Variants in CTNNA3 observed in about 807,000 individuals in gnomAD.
The protein encoded by CTNNA3 is catenin alpha 3.
In CTNNA3, 76 loss-of-function variants were observed where a neutral mutation model predicts 95.7. The observed-to-expected ratio is 0.79, with a 90% CI of 0.66 to 0.96. The LOEUF (loss-of-function observed/expected upper bound fraction) is 0.96, where lower values mean the gene tolerates loss of function less well. CTNNA3 is among the 40% of genes least tolerant of loss of function. The pLI, the probability that CTNNA3 is intolerant of heterozygous loss-of-function variation, is 0.00. For missense variants in CTNNA3, 1,191 were observed against 1,089.8 expected, an observed-to-expected ratio of 1.09 and a Z score of -1.31; for synonymous variants, 431 against 374.4, an observed-to-expected ratio of 1.15 and a Z score of -1.74.
intron 7 of CTNNA3, among the ~76,000 whole-genome samples, chr10:66,788,376 G>T (rs1840829388): frequency 6.6e-6 from 1 of 152,148 alleles, no homozygotes; most frequent in Admixed American, 6.5e-5. Context: ...GCAGCACAAA[G>T]CTCCCGATGA....
chr10:66,834,296 T>C (rs1461803448), intron 7 of CTNNA3, among the ~76,000 whole-genome samples: 4 of 152,210 alleles, frequency 2.6e-5, no homozygotes, highest in Admixed American at 1.3e-4. Context: ...CACACATACA[T>C]GTGCAAGATA....
At chr10:67,016,161 C>A (rs75721842) in intron 7 of CTNNA3, among the ~76,000 whole-genome samples, 3,473 of 152,182 alleles carry the variant, frequency 0.023, 158 homozygotes, top group African/African-American at 0.08. Flanking sequence ...TAGTTTTATG[C>A]ATGAGTTTAT....
chr10:66,028,982 G>T (rs556798555), intron 15 of CTNNA3, among the ~76,000 whole-genome samples: 17 of 151,968 alleles, frequency 1.1e-4, no homozygotes, highest in African/African-American at 4.1e-4. Context: ...AAGATAAAAT[G>T]AAGAATAGGA....
intron 4 of CTNNA3, among the ~76,000 whole-genome samples, chr10:67,536,843 A>G (rs962471378): frequency 9.9e-5 from 15 of 152,270 alleles, no homozygotes; most frequent in Admixed American, 2.0e-4. Flanking sequence ...AGCATGCTCT[A>G]CAGAATACTT....
chr10:66,364,630 CTT>C (rs1256481961), intron 12 of CTNNA3, among the ~76,000 whole-genome samples: 1 of 151,974 alleles, frequency 6.6e-6, no homozygotes, highest in African/African-American at 2.4e-5. Context: ...ACAAATGAGT[CTT>C]AAATTTATTT....
chr10:66,594,873 A>G (rs1354327960), intron 10 of CTNNA3, among the ~76,000 whole-genome samples: 4 of 152,166 alleles, frequency 2.6e-5, no homozygotes, highest in Non-Finnish European at 5.9e-5. Context: ...TTAAAAATGT[A>G]TACATAATAA....
rs184605103 is a variant in CTNNA3, at chr10:66,906,419, T to C, written c.1048-130895A>G. Among the ~76,000 whole-genome samples the C allele has an allele frequency of 6.6e-5, 10 of 152,220 alleles. No individual in the cohort carries two copies. The East Asian group carries it at 1.9e-3, about 29-fold the overall frequency. ...TCAACAACATCCAAAAGTGGGAAATTCTACAGGACAAATAACCCAGTTTCT... is the reference window on the plus strand; with the variant it reads ...TCAACAACATCCAAAAGTGGGAAATCCTACAGGACAAATAACCCAGTTTCT... On this transcript the variant is annotated intron_variant, in intron 7 of 17. Transcript: ENST00000433211.
At chr10:66,399,514 C>T (rs56287506) in intron 11 of CTNNA3, among the ~76,000 whole-genome samples, 11,689 of 151,732 alleles carry the variant, frequency 0.077, 575 homozygotes, top group East Asian at 0.22. Flanking sequence ...GTGGTATATG[C>T]GTGTGAAGTG....
rs1439458503 is a variant in CTNNA3, at chr10:66,395,834, T to C, written c.1532-16482A>G. On this transcript the variant is annotated intron_variant, in intron 11 of 17. Transcript: ENST00000433211. The stretch of plus-strand genomic sequence containing the variant: ...TTGTTTCAGATTCAGGGGTTTCATG[T>C]GCAGGTTTGTGTAATGGTGAGGTTT... Among the ~76,000 whole-genome samples the C allele has an allele frequency of 5.3e-5, 8 of 152,020 alleles. No individual in the cohort carries two copies. The East Asian group carries it at 1.5e-3, about 29-fold the overall frequency.
At chr10:67,491,884 G>T (rs1487191297) in intron 5 of CTNNA3, among the ~76,000 whole-genome samples, 1 of 151,970 alleles carries the variant, frequency 6.6e-6, no homozygotes, top group African/African-American at 2.4e-5. Context: ...ATGGAGGAAA[G>T]AAAAGATAAT....
At chr10:67,633,731 A>G (rs560042568) in intron 2 of CTNNA3, among the ~76,000 whole-genome samples, 1 of 152,316 alleles carries the variant, frequency 6.6e-6, no homozygotes, top group Admixed American at 6.5e-5. Flanking sequence ...ATTAAAAGTG[A>G]GCTTGAAGAC....
intron 13 of CTNNA3, among the ~76,000 whole-genome samples, chr10:66,133,915 C>T (rs2083238682): frequency 6.6e-6 from 1 of 151,970 alleles, no homozygotes; most frequent in South Asian, 2.1e-4. Flanking sequence ...AGAAAAGTAA[C>T]ATACAGAAAT....
At chr10:67,727,494 CATAAT>C (rs1465239888) in intron 1 of CTNNA3, among the ~76,000 whole-genome samples, 8 of 128,596 alleles carry the variant, frequency 6.2e-5, no homozygotes, top group East Asian at 4.3e-4. Context: ...TTATATTAAA[CATAAT>C]ATATCATATA....
chr10:67,699,446 CCTATGG>C (rs1436519717), upstream of CTNNA3, among the ~76,000 whole-genome samples: 2 of 152,218 alleles, frequency 1.3e-5, no homozygotes, highest in African/African-American at 4.8e-5. Context: ...CACATCCTAA[CCTATGG>C]CTTCAAATGA....
At chr10:65,956,492 T>G (rs1431916631) in intron 17 of CTNNA3, among the ~76,000 whole-genome samples, 1 of 152,216 alleles carries the variant, frequency 6.6e-6, no homozygotes, top group Admixed American at 6.5e-5. Flanking sequence ...GGTGTCAATT[T>G]TAGATCTTTC....
At chr10:67,351,374 A>G (rs1842630897) in intron 5 of CTNNA3, among the ~76,000 whole-genome samples, 1 of 68,530 alleles carries the variant, frequency 1.5e-5, no homozygotes, top group Non-Finnish European at 5.6e-5. Flanking sequence ...TTAAAACTAC[A>G]CTTTCAAATA....
intron 15 of CTNNA3, among the ~76,000 whole-genome samples, chr10:66,066,207 T>C (rs181258327): frequency 1.5e-3 from 236 of 152,292 alleles, no homozygotes; most frequent in Non-Finnish European, 2.6e-3. Context: ...CAGGTTTCTT[T>C]CCATATGTTG....
At chr10:66,809,152 T>C (rs955724070) in intron 7 of CTNNA3, among the ~76,000 whole-genome samples, 1 of 152,152 alleles carries the variant, frequency 6.6e-6, no homozygotes, top group Admixed American at 6.6e-5. Context: ...TTGTTCTCTA[T>C]ATGAACTTTA....
At chr10:66,660,292 G>A (rs918679486) in intron 9 of CTNNA3, among the ~76,000 whole-genome samples, 5 of 152,166 alleles carry the variant, frequency 3.3e-5, no homozygotes, top group African/African-American at 9.7e-5. Flanking sequence ...TGGTTCTTCT[G>A]TGAGATCACT....
Sources: allele counts gnomAD v4.1 joint callset (sites outside exome capture counted in the v4.1 genomes callset), GRCh38; gene constraint gnomAD v4.1.1; transcripts MANE v1.5; gene names NCBI Gene and HGNC (gene_info 2026-07-23, HGNC 2026-07-21).